Variants in TUSC3 observed in about 807,000 individuals in gnomAD.
TUSC3 encodes tumor suppressor candidate 3.
In TUSC3, 45 loss-of-function variants were observed where a neutral mutation model predicts 44.8. The observed-to-expected ratio is 1.00, with a 90% CI of 0.79 to 1.29. TUSC3 has a LOEUF of 1.29. TUSC3 is among the 50% of genes most tolerant of loss of function. TUSC3 has a pLI of 0.00. For missense variants in TUSC3, 519 were observed against 437.9 expected, an observed-to-expected ratio of 1.19 and a Z score of -1.65; for synonymous variants, 212 against 152.9, an observed-to-expected ratio of 1.39 and a Z score of -2.85.
chr8:15,492,286 T>C (rs1012420657), intron 2 of TUSC3, among the ~76,000 whole-genome samples: 1 of 152,168 alleles, frequency 6.6e-6, no homozygotes, highest in African/African-American at 2.4e-5. Flanking sequence ...TTAAAGTCTT[T>C]CCTGACTGAC....
intron 2 of TUSC3, among the ~76,000 whole-genome samples, chr8:15,629,187 G>C (rs1805645744): frequency 6.6e-6 from 1 of 152,134 alleles, no homozygotes; most frequent in Non-Finnish European, 1.5e-5. Flanking sequence ...ATATTAGGAT[G>C]GTATGGTAAC....
intron 6 of TUSC3, among the ~76,000 whole-genome samples, chr8:15,706,758 T>C (rs998012908): frequency 2.6e-5 from 4 of 152,054 alleles, no homozygotes; most frequent in African/African-American, 4.8e-5. Flanking sequence ...TGTGCAAATA[T>C]GATCACGAGC....
chr8:15,588,679 A>G (rs1410715596), intron 1 of TUSC3, among the ~76,000 whole-genome samples: 2 of 152,130 alleles, frequency 1.3e-5, no homozygotes, highest in African/African-American at 4.8e-5. Context: ...TAGTAGTTTT[A>G]TAGTTTTGGG....
At chr8:15,830,179 G>C in the TUSC3 span, among the ~76,000 whole-genome samples, 24 of 151,950 alleles carry the variant, frequency 1.6e-4, no homozygotes, top group Non-Finnish European at 3.1e-4. Flanking sequence ...GTTCTTCGCA[G>C]ATTCTGGATA....
At chr8:15,427,075 G>GTTT (rs367932724) in intron 1 of TUSC3, among the ~76,000 whole-genome samples, 1,985 of 145,948 alleles carry the variant, frequency 0.014, 62 homozygotes, top group African/African-American at 0.047. Flanking sequence ...GTTGTTTGGT[G>GTTT]TTTGTTTTTT....
chr8:15,605,913 G>T (rs116267822), intron 1 of TUSC3, among the ~76,000 whole-genome samples: 113 of 152,134 alleles, frequency 7.4e-4, no homozygotes, highest in African/African-American at 2.6e-3. Flanking sequence ...AAGTGTTGCA[G>T]TAGCCACTTA....
At chr8:15,436,011 G>T (rs532945800) in intron 1 of TUSC3, among the ~76,000 whole-genome samples, 2 of 152,284 alleles carry the variant, frequency 1.3e-5, no homozygotes, top group African/African-American at 4.8e-5. Context: ...GTTGACTGGG[G>T]CTGCAGTTAT....
At chr8:15,711,570 A>G (rs1809855641) in intron 6 of TUSC3, among the ~76,000 whole-genome samples, 1 of 151,012 alleles carries the variant, frequency 6.6e-6, no homozygotes, top group African/African-American at 2.4e-5. Flanking sequence ...TGCCTTAAGC[A>G]TTAAGATTCT....
At chr8:15,704,700 A>G (rs1177451943) in intron 6 of TUSC3, among the ~76,000 whole-genome samples, 3 of 151,766 alleles carry the variant, frequency 2.0e-5, no homozygotes, top group East Asian at 1.9e-4. Flanking sequence ...TGTACATCCA[A>G]TCCTATCCCT....
intron 1 of TUSC3, among the ~76,000 whole-genome samples, chr8:15,550,042 G>C (rs532195872): frequency 6.6e-6 from 1 of 151,674 alleles, no homozygotes; most frequent in Non-Finnish European, 1.5e-5. Flanking sequence ...CACGGGGTAC[G>C]TGACTGGGGG....
chr8:15,540,314 T>G lies in TUSC3; in HGVS notation c.-117T>G, dbSNP rs1801634775. 1 of 1,334,428 alleles carries G rather than the reference T, an allele frequency of 7.5e-7. No homozygotes were observed. Among genetic ancestry groups the G allele is most frequent in the East Asian group, 3.1e-5 (1 of 32,678 alleles). 82.7% of individuals were successfully genotyped at this position (1,334,428 alleles called of 1,614,324 possible). A position where few individuals can be genotyped will look rare whatever the true frequency, so the allele number is the denominator to read the frequency against. On this transcript the variant is annotated 5_prime_UTR_variant, in exon 1 of 11. Transcript: ENST00000503731. ...CGGCCCGGGTCCCTCGCAAAGCCGC[T>G]GCCATCCCGGAGGGCCCAGCCAGCG...
chr8:15,640,818 A>C (rs1427991200), intron 2 of TUSC3, among the ~76,000 whole-genome samples: 1 of 152,176 alleles, frequency 6.6e-6, no homozygotes, highest in African/African-American at 2.4e-5. Flanking sequence ...ATTATCTCAG[A>C]GTCTAGTTCG....
At chr8:15,711,143 C>G (rs1024674191) in intron 6 of TUSC3, among the ~76,000 whole-genome samples, 1 of 151,514 alleles carries the variant, frequency 6.6e-6, no homozygotes, top group African/African-American at 2.4e-5. Context: ...TTGTCCTCTC[C>G]TCTCACTACC....
In TUSC3 at chr8:15,573,214, A is replaced by C. The variant is rs1444085846; in HGVS notation, c.138+32646A>C. Among the ~76,000 whole-genome samples the C allele has an allele frequency of 6.2e-3, 855 of 137,172 alleles. 7 individuals are homozygous for C. The highest frequency in any genetic ancestry group is 0.016 in the African/African-American group (573 of 35,096). 90.0% of individuals were successfully genotyped at this position (137,172 alleles called of 152,430 possible). ...TCTCTCTCTCTCTCTATATATATAT[A>C]TATATATATATATATAAAAGTTTTT... On this transcript the variant is annotated intron_variant, in intron 1 of 10. Transcript: ENST00000503731.
chr8:15,675,805 T>C (rs1808163476), intron 6 of TUSC3, among the ~76,000 whole-genome samples: 1 of 152,182 alleles, frequency 6.6e-6, no homozygotes, highest in Non-Finnish European at 1.5e-5. Context: ...TTCCCTGTTG[T>C]ATATGTACCA....
At chr8:15,423,201 A>T (rs992189622) in intron 1 of TUSC3, among the ~76,000 whole-genome samples, 1 of 152,218 alleles carries the variant, frequency 6.6e-6, no homozygotes, top group Non-Finnish European at 1.5e-5. Flanking sequence ...GGTTCAGTGC[A>T]TACATGGTAC....
At chr8:15,431,682 G>A (rs190101192) in intron 1 of TUSC3, among the ~76,000 whole-genome samples, 48 of 151,468 alleles carry the variant, frequency 3.2e-4, no homozygotes, top group African/African-American at 1.2e-3. Flanking sequence ...TAATTTCTCT[G>A]GCAAGGACTT....
chr8:15,673,469 G>A (rs554655495), intron 5 of TUSC3, among the ~76,000 whole-genome samples: 72 of 152,054 alleles, frequency 4.7e-4, no homozygotes, highest in Non-Finnish European at 9.1e-4. Flanking sequence ...CAGATTGCCT[G>A]TCACCAGGCC....
intron 2 of TUSC3, among the ~76,000 whole-genome samples, chr8:15,642,353 T>C (rs1806411639): frequency 6.6e-6 from 1 of 152,126 alleles, no homozygotes; most frequent in Non-Finnish European, 1.5e-5. Flanking sequence ...CTAAAAATAG[T>C]CTATTAAAAA....
Sources: allele counts gnomAD v4.1 joint callset (sites outside exome capture counted in the v4.1 genomes callset), GRCh38; gene constraint gnomAD v4.1.1; transcripts MANE v1.5; gene names NCBI Gene and HGNC (gene_info 2026-07-23, HGNC 2026-07-21).